OVGP1: variants seen among roughly 807,000 people sequenced by gnomAD.
OVGP1 encodes the protein oviductal glycoprotein 1, also known as oviduct-specific glycoprotein.
In OVGP1, 26 loss-of-function variants were observed where a neutral mutation model predicts 48.2. That is an observed-to-expected ratio of 0.54 (90% confidence interval 0.40 to 0.75). The LOEUF (loss-of-function observed/expected upper bound fraction) is 0.75. OVGP1 is among the 30% of genes least tolerant of loss of function. The pLI is 0.00. For synonymous variants in OVGP1, 294 were observed against 305.7 expected (o/e 0.96, Z 0.40); for missense variants, 791 against 820.6 (o/e 0.96, Z 0.44).
In OVGP1 at chr1:111,418,700, G is replaced by T. The variant is rs564385551; in HGVS notation, c.1020+910C>A. On this transcript the variant is annotated intron_variant, in intron 9 of 10. Coordinates refer to ENST00000369732, the MANE Select transcript of OVGP1 (RefSeq NM_002557.4). ...TCCAGACCCTCATTATCTCATGCTT[G>T]GACACCTCTGTGTCCACGCCCAGAG... Among the ~76,000 whole-genome samples the T allele has an allele frequency of 2.6e-5, 4 of 152,234 alleles. No homozygotes were observed. The East Asian group carries it at 7.7e-4, about 29-fold the overall frequency.
intron 8 of OVGP1, among the ~76,000 whole-genome samples, chr1:111,420,017 A>T (rs976058284): frequency 6.6e-6 from 1 of 152,150 alleles, no homozygotes; most frequent in Non-Finnish European, 1.5e-5. Context: ...CCAGTACCAA[A>T]ATAGTAAGAG....
At position 111,421,352 on chromosome 1, in the gene OVGP1, C is replaced by T; in HGVS notation, c.827G>A (p.Gly276Glu). ...TGGTCCGATCGCTCTGGCCTGCAAC[C>T]CATTCTTAGAGGCTTTGAGGAGGCG... ...TFRLLKASKN[G>E]LQARAIGPAS... Residue 276 changes from glycine to glutamate, a missense_variant, in exon 8 of 11, where the codon GGG becomes GAG. Transcript: ENST00000369732. 1 of 1,614,118 alleles carries T rather than the reference C, an allele frequency of 6.2e-7. No individual in the cohort carries two copies.
Position 111,422,958 on chromosome 1 carries a change from GGAC to G in OVGP1, c.574_576del (p.Val192del). The G allele has an allele frequency of 1.2e-6, 2 of 1,614,186 alleles. No individual in the cohort carries two copies. Among genetic ancestry groups the G allele is most frequent in the South Asian group, 2.2e-5 (2 of 91,082 alleles). On this transcript the variant is annotated inframe_deletion, in exon 6 of 11. Transcript: ENST00000369732. ...AGAAAGCGCACATCATAGGATGTTT[GGAC>G]GATGTGTGGGACCCCAGAAACAGCA...
intron 9 of OVGP1, among the ~76,000 whole-genome samples, chr1:111,418,417 T>C (rs12097762): frequency 0.12 from 17,943 of 152,138 alleles, 1,814 homozygotes; most frequent in African/African-American, 0.27. Flanking sequence ...AAGCCATGCT[T>C]TTTTATCTCT....
chr1:111,415,161 C>G lies in OVGP1; in HGVS notation c.1340G>C (p.Arg447Thr). 1.2e-6 allele frequency: 2 copies of G among 1,614,164 alleles called. No individual in the cohort carries two copies. Among genetic ancestry groups the G allele is most frequent in the Non-Finnish European group, 1.7e-6 (2 of 1,180,022 alleles). The change falls in exon 11 of 11, where the codon AGA becomes ACA. Residue 447 changes from arginine to threonine, a missense_variant. By Grantham distance (71) the Arg-to-Thr change is moderately conservative. Transcript: ENST00000369732. ...CTTTGTAGGGGTCACAGTTGTACCT[C>G]TAGGGGTTATAGTCATATTTTCACA... ...GKCENMTITP[R>T]GTTVTPTKET...
chr1:111,420,695 A>G (rs776818850), intron 8 of OVGP1, among the ~76,000 whole-genome samples: 60 of 152,218 alleles, frequency 3.9e-4, no homozygotes, highest in Non-Finnish European at 7.6e-4. Context: ...CCTTGGAAAC[A>G]TGTCTCTTTC....
At chr1:111,421,761 A>G (rs1652277479) in intron 6 of OVGP1, 88 bp from the exon 7 acceptor site, 1 of 820,874 alleles carries the variant, frequency 1.2e-6, no homozygotes, top group South Asian at 1.6e-5. Flanking sequence ...CTAACTAGCT[A>G]GACATTGGTC....
intron 4 of OVGP1, 73 bp from the exon 5 acceptor site, chr1:111,423,781 G>T: frequency 6.8e-7 from 1 of 1,478,286 alleles, no homozygotes. Context: ...CCCCTTGCAA[G>T]CTTGGTTCCC....
In OVGP1 at chr1:111,421,365, C is replaced by T; in HGVS notation, c.814G>A (p.Ala272Thr). The change falls in exon 8 of 11, where the codon GCC becomes ACC. Residue 272 changes from alanine to threonine, a missense_variant. Physicochemically the swap from Ala to Thr is moderately conservative, Grantham distance 58. Coordinates refer to ENST00000369732, the MANE Select transcript of OVGP1 (RefSeq NM_002557.4). ...CTGGCCTGCAACCCATTCTTAGAGG[C>T]TTTGAGGAGGCGAAAGGTACGTCCA... ...TYGRTFRLLK[A>T]SKNGLQARAI... is the part of the protein sequence containing the mutation. 1 of 1,614,154 alleles carries T rather than the reference C, an allele frequency of 6.2e-7. No individual in the cohort carries two copies. The highest frequency in any genetic ancestry group is 1.1e-5 in the South Asian group (1 of 91,066).
In OVGP1 at chr1:111,419,671, G is replaced by A. The variant is rs1330316140; in HGVS notation, c.959C>T (p.Pro320Leu). Residue 320 changes from proline to leucine, a missense_variant, in exon 9 of 11, where the codon CCG becomes CTG. Transcript: ENST00000369732. ...CCACTCTTTCCCCTTGTTGGCATAC[G>A]GGACATACTGGTAATCAATCCAGTG... ...KKHWIDYQYV[P>L]YANKGKEWVG... 7.4e-6 allele frequency: 12 copies of A among 1,613,540 alleles called. No homozygotes were observed. The highest frequency in any genetic ancestry group is 2.7e-5 in the African/African-American group (2 of 74,900).
intron 9 of OVGP1, among the ~76,000 whole-genome samples, chr1:111,417,607 C>T (rs1652165577): frequency 6.6e-6 from 1 of 151,990 alleles, no homozygotes; most frequent in African/African-American, 2.4e-5. Flanking sequence ...AATTAGTCTG[C>T]CAGTTTTGTG....
Position 111,427,476 on chromosome 1 carries a change from T to C in OVGP1, c.25+221A>G, listed in dbSNP as rs1267775479. The C allele has an allele frequency of 4.3e-6, 3 of 705,472 alleles. No individual in the cohort carries two copies. In the African/African-American group the frequency reaches 5.8e-5, roughly 14 times the overall value. The allele number at this position is 705,472 out of a possible 1,614,324, so 43.7% of individuals were successfully genotyped here. On this transcript the variant is annotated intron_variant, in intron 1 of 10. Transcript: ENST00000369732. The stretch of plus-strand genomic sequence containing the variant: ...CTGGTCCAAGGTGGAACTCAGGCAT[T>C]TAAAATTTCTAATGGGCCACCAGGT...
At chr1:111,427,431 A>G in intron 1 of OVGP1, 1 of 921,710 alleles carries the variant, frequency 1.1e-6, no homozygotes. Context: ...CTGGCTGGTC[A>G]TGCAGAGATT....
intron 3 of OVGP1, among the ~76,000 whole-genome samples, chr1:111,425,728 A>G (rs1248081419): frequency 1.3e-5 from 2 of 152,240 alleles, no homozygotes; most frequent in East Asian, 3.8e-4. Flanking sequence ...AAAAAAGAGC[A>G]GTCTAAAATG....
At chr1:111,425,150 T>G (rs1652366982) in intron 4 of OVGP1, among the ~76,000 whole-genome samples, 1 of 152,206 alleles carries the variant, frequency 6.6e-6, no homozygotes. Context: ...TTGTCCCTAA[T>G]TTTCCCCCAG....
Position 111,423,574 on chromosome 1 carries a change from T to G in OVGP1, c.452A>C (p.His151Pro). Residue 151 changes from histidine (H) to proline (P), a missense_variant, in exon 5 of 11, where the codon CAT becomes CCT. Physicochemically the swap from His to Pro is moderately conservative, Grantham distance 77 (BLOSUM62 -2). Coordinates refer to ENST00000369732, the MANE Select transcript of OVGP1 (RefSeq NM_002557.4). ...TAAGAAGAGAAAAGTCCACCGGTCATGCATGGGGCTGCCTCTTAGTCCAGG... is the reference window on the plus strand; with the variant it reads ...TAAGAAGAGAAAAGTCCACCGGTCAGGCATGGGGCTGCCTCTTAGTCCAGG... Reference protein sequence around the residue: ...LYPGLRGSPMHDRWTFLFLIE... With the variant: ...LYPGLRGSPMPDRWTFLFLIE... 1 of 1,614,180 alleles carries G rather than the reference T, an allele frequency of 6.2e-7. No homozygotes were observed. Among genetic ancestry groups the G allele is most frequent in the Non-Finnish European group, 8.5e-7 (1 of 1,180,016 alleles).
At chr1:111,425,532 C>A in intron 3 of OVGP1, 93 bp from the exon 4 acceptor site, 2 of 1,577,372 alleles carry the variant, frequency 1.3e-6, no homozygotes, top group Admixed American at 1.8e-5. Context: ...TGGAAGAAAA[C>A]AGGAAACAGG....
At chr1:111,415,882 C>A (rs1402851507) in intron 10 of OVGP1, among the ~76,000 whole-genome samples, 1 of 152,186 alleles carries the variant, frequency 6.6e-6, no homozygotes, top group Non-Finnish European at 1.5e-5. Context: ...AGATTATAAA[C>A]CATCCGTAAG....
intron 9 of OVGP1, 117 bp downstream of exon 9, chr1:111,419,493 T>C: frequency 1.4e-6 from 1 of 700,998 alleles, no homozygotes; most frequent in Non-Finnish European, 2.6e-6. Context: ...ACCCCTGGTC[T>C]AATCATCCTC....
Sources: allele counts gnomAD v4.1 joint callset (sites outside exome capture counted in the v4.1 genomes callset), GRCh38; gene constraint gnomAD v4.1.1; transcripts MANE v1.5; gene names NCBI Gene and HGNC (gene_info 2026-07-23, HGNC 2026-07-21).